Variants in IPCEF1 observed in about 807,000 individuals in gnomAD.
IPCEF1 encodes the protein interaction protein for cytohesin exchange factors 1.
Under a neutral mutation model 50.9 loss-of-function variants are expected in IPCEF1, and 31 were observed. That is an observed-to-expected ratio of 0.61 (90% CI 0.46 to 0.82). The LOEUF (loss-of-function observed/expected upper bound fraction) is 0.82. IPCEF1 is among the 40% of genes least tolerant of loss of function. The pLI is 0.00. For missense variants in IPCEF1, 458 were observed against 514.0 expected (o/e 0.89, Z 1.05); for synonymous variants, 181 against 192.0 (o/e 0.94, Z 0.47).
Position 154,269,451 on chromosome 6 carries a change from T to A in IPCEF1, c.-17-3487A>T, listed in dbSNP as rs564154455. Among the ~76,000 whole-genome samples, 29 of 152,226 alleles carry A rather than the reference T, an allele frequency of 1.9e-4. No individual in the cohort carries two copies. In the South Asian group the frequency reaches 5.6e-3, roughly 29 times the overall value. On this transcript the variant is annotated intron_variant, in intron 2 of 11. Transcript: ENST00000367220. ...GAGTGTTTCATTAATAATCTTGGAG[T>A]TTCAGTACTTTGTTTCTTTTTTTTC...
Position 154,159,505 on chromosome 6 carries a change from G to T in IPCEF1, c.*323C>A. 3.3e-6 allele frequency: 1 copy of T among 301,370 alleles called. No individual in the cohort carries two copies. Among genetic ancestry groups the T allele is most frequent in the African/African-American group, 2.2e-5 (1 of 44,636 alleles). The allele number at this position is 301,370 out of a possible 1,614,324, so 18.7% of individuals were successfully genotyped here. A position where few individuals can be genotyped will look rare whatever the true frequency, so the allele number is the denominator to read the frequency against. Reference sequence around the variant, plus strand: ...TGGTAAAATTTGATTCTTGTCCATAGCATTCTCTGGAGAGCAATGAACAGA... The same window carrying T: ...TGGTAAAATTTGATTCTTGTCCATATCATTCTCTGGAGAGCAATGAACAGA... On this transcript the variant is annotated 3_prime_UTR_variant, in exon 12 of 12. Coordinates refer to ENST00000367220, the MANE Select transcript of IPCEF1 (RefSeq NM_001130700.2).
At chr6:154,297,599 C>T (rs926293565) in intron 1 of IPCEF1, among the ~76,000 whole-genome samples, 7 of 152,160 alleles carry the variant, frequency 4.6e-5, no homozygotes, top group African/African-American at 1.7e-4. Context: ...TTGTTGTAAG[C>T]TTAAAAATGC....
At chr6:154,195,493 A>C (rs1776540443) in intron 10 of IPCEF1, among the ~76,000 whole-genome samples, 1 of 152,088 alleles carries the variant, frequency 6.6e-6, no homozygotes, top group East Asian at 1.9e-4. Flanking sequence ...CACCCTGATG[A>C]GAAATGGTCA....
chr6:154,199,587 C>A, intron 10 of IPCEF1, 81 bp downstream of exon 10: 1 of 1,402,836 alleles, frequency 7.1e-7, no homozygotes, highest in Non-Finnish European at 9.6e-7. Context: ...TTTAACCATT[C>A]TTGTTACAAA....
At chr6:154,304,297 G>T (rs1782875400) in intron 1 of IPCEF1, among the ~76,000 whole-genome samples, 1 of 152,082 alleles carries the variant, frequency 6.6e-6, no homozygotes, top group Non-Finnish European at 1.5e-5. Flanking sequence ...AGCTTCACCA[G>T]GATAGAACAA....
intron 1 of IPCEF1, among the ~76,000 whole-genome samples, chr6:154,333,487 C>T (rs1783717031): frequency 6.6e-6 from 1 of 151,786 alleles, no homozygotes; most frequent in African/African-American, 2.4e-5. Flanking sequence ...AGCTCCTCAG[C>T]TTCAGACAGC....
At chr6:154,310,082 ACT>A (rs1478482293) in intron 1 of IPCEF1, among the ~76,000 whole-genome samples, 7 of 152,078 alleles carry the variant, frequency 4.6e-5, no homozygotes, top group African/African-American at 1.4e-4. Context: ...GCATTTTTAA[ACT>A]TTCCCTTTAG....
intron 10 of IPCEF1, among the ~76,000 whole-genome samples, chr6:154,189,405 A>G (rs1801666389): frequency 6.6e-6 from 1 of 152,218 alleles, no homozygotes; most frequent in Non-Finnish European, 1.5e-5. Flanking sequence ...AAATGCAGGC[A>G]TATGTGGACC....
intron 1 of IPCEF1, among the ~76,000 whole-genome samples, chr6:154,300,939 T>C (rs1161873146): frequency 6.6e-6 from 1 of 152,216 alleles, no homozygotes; most frequent in Non-Finnish European, 1.5e-5. Context: ...CCAGCTATTC[T>C]AAACCCAAAG....
Position 154,168,586 on chromosome 6 carries a change from T to TATTA in IPCEF1, c.911-477_911-474dup, listed in dbSNP as rs972952717. 2.0e-5 allele frequency among the ~76,000 whole-genome samples: 3 copies of TATTA among 152,038 alleles called. No individual in the cohort carries two copies. Among genetic ancestry groups the TATTA allele is most frequent in the Non-Finnish European group, 2.9e-5 (2 of 68,008 alleles). On this transcript the variant is annotated intron_variant, in intron 10 of 11. Transcript: ENST00000367220. The surrounding 1 kb of genome is among the most constrained non-coding windows in gnomAD (Gnocchi z 4.1). ...GGTTAGGACGTCAACATACGAATTTTATTAATTAATTAATTAATTTTATTA... is the reference window on the plus strand; with the variant it reads ...GGTTAGGACGTCAACATACGAATTTTATTAATTAATTAATTAATTAATTTTATTA...
intron 1 of IPCEF1, among the ~76,000 whole-genome samples, chr6:154,325,998 G>C (rs192823667): frequency 8.5e-5 from 13 of 152,198 alleles, no homozygotes; most frequent in Admixed American, 5.9e-4. Context: ...GGCCGAGGCA[G>C]GTGGATCCCT....
chr6:154,344,384 T>C (rs1372945483), intron 1 of IPCEF1, among the ~76,000 whole-genome samples: 1 of 152,146 alleles, frequency 6.6e-6, no homozygotes, highest in Non-Finnish European at 1.5e-5. Flanking sequence ...ATCCAGTAAA[T>C]CATTATCACC....
chr6:154,229,582 T>A (rs1779564411), intron 5 of IPCEF1, among the ~76,000 whole-genome samples: 1 of 152,024 alleles, frequency 6.6e-6, no homozygotes, highest in Non-Finnish European at 1.5e-5. Flanking sequence ...GGTCTCGATC[T>A]CCTGACCTCA....
chr6:154,255,992 T>G, intron 3 of IPCEF1, among the ~76,000 whole-genome samples: 1 of 152,358 alleles, frequency 6.6e-6, no homozygotes, highest in South Asian at 2.1e-4. Context: ...TGAAGCTATC[T>G]TCTAATTTTT....
At chr6:154,207,007 A>G (rs1399185575) in intron 9 of IPCEF1, among the ~76,000 whole-genome samples, 3 of 152,242 alleles carry the variant, frequency 2.0e-5, no homozygotes, top group Admixed American at 6.5e-5. Context: ...AGGTGAATCA[A>G]TGTGATCAGA....
At chr6:154,221,409 C>T in intron 6 of IPCEF1, 81 bp from the exon 7 acceptor site, 1 of 1,073,246 alleles carries the variant, frequency 9.3e-7, no homozygotes, top group South Asian at 1.4e-5. Context: ...CAGTAAAATA[C>T]AAGCTTTGTA....
At chr6:154,256,685 A>G (rs1050345576) in intron 3 of IPCEF1, among the ~76,000 whole-genome samples, 2 of 152,148 alleles carry the variant, frequency 1.3e-5, no homozygotes, top group Non-Finnish European at 2.9e-5. Flanking sequence ...TAGTTACTGC[A>G]AAACTAGTTC....
intron 1 of IPCEF1, among the ~76,000 whole-genome samples, chr6:154,311,569 G>T (rs182086993): frequency 3.4e-4 from 52 of 152,212 alleles, no homozygotes; most frequent in African/African-American, 1.2e-3. Context: ...TTAAAAAAGT[G>T]CTCATTATGT....
At chr6:154,271,471 T>TA (rs889022300) in intron 2 of IPCEF1, among the ~76,000 whole-genome samples, 15 of 152,002 alleles carry the variant, frequency 9.9e-5, no homozygotes, top group African/African-American at 3.4e-4. Context: ...AGTTTACTTT[T>TA]AAAAAAAATT....
Sources: gnomAD v4.1 joint callset for allele counts (sites outside exome capture counted in the v4.1 genomes callset) on GRCh38, gnomAD v4.1.1 for gene constraint, Gnocchi (gnomAD v3.1) non-coding constraint, MANE v1.5 for transcripts, NCBI Gene and HGNC (gene_info 2026-07-23, HGNC 2026-07-21) for gene names.